The following NRF1 variants were observed in gnomAD, a reference collection of about 807,000 sequenced individuals.
NRF1 encodes the protein alpha palindromic-binding protein.
A neutral mutation model predicts 58.5 loss-of-function variants in NRF1; 5 were observed. That is an observed-to-expected ratio of 0.09 (90% confidence interval 0.04 to 0.18). NRF1 has a LOEUF of 0.18. Among genes scored for constraint, NRF1 ranks in the 10% least tolerant of loss-of-function variants. The pLI is 1.00. For missense variants in NRF1, 288 were observed against 657.7 expected (o/e 0.44, Z 6.15); for synonymous variants, 224 against 246.7 (o/e 0.91, Z 0.86).
chr7:129,718,946 G>A (rs562265851), intron 9 of NRF1, among the ~76,000 whole-genome samples: 26 of 152,194 alleles, frequency 1.7e-4, no homozygotes, highest in East Asian at 1.2e-3. Flanking sequence ...AATTCTCATC[G>A]CGGTGTCCAA....
At chr7:129,731,673 G>C (rs13246347) in intron 10 of NRF1, among the ~76,000 whole-genome samples, 19,469 of 151,926 alleles carry the variant, frequency 0.13, 1,597 homozygotes, top group Admixed American at 0.23. Flanking sequence ...CTGTCACCTA[G>C]ACTGGTTCAC....
intron 1 of NRF1, among the ~76,000 whole-genome samples, chr7:129,614,145 T>C (rs934703399): frequency 2.0e-5 from 3 of 152,098 alleles, no homozygotes; most frequent in Non-Finnish European, 4.4e-5. Flanking sequence ...AGACGGAGTC[T>C]CACTCTGTCA....
At chr7:129,693,347 T>A (rs59703114) in intron 5 of NRF1, among the ~76,000 whole-genome samples, 4,685 of 152,264 alleles carry the variant, frequency 0.031, 244 homozygotes, top group African/African-American at 0.1. Context: ...TAAATAGTGA[T>A]CTTTTGATTG....
intron 1 of NRF1, among the ~76,000 whole-genome samples, chr7:129,647,554 C>A (rs1439522098): frequency 6.6e-6 from 1 of 151,976 alleles, no homozygotes; most frequent in Non-Finnish European, 1.5e-5. Context: ...AGCCACCACC[C>A]CTGGCTAATT....
chr7:129,690,584 G>C (rs1356542425), intron 5 of NRF1, 38 bp downstream of exon 5: 1 of 1,611,790 alleles, frequency 6.2e-7, no homozygotes. Context: ...TCAAAGACAA[G>C]TGGCACAGGT....
chr7:129,643,373 T>C (rs940228643), intron 1 of NRF1, among the ~76,000 whole-genome samples: 3 of 152,222 alleles, frequency 2.0e-5, no homozygotes, highest in Non-Finnish European at 4.4e-5. Context: ...TTGTGCTTAT[T>C]TGAGACTGGG....
chr7:129,689,487 G>A (rs1299060224), intron 4 of NRF1, among the ~76,000 whole-genome samples: 2 of 152,088 alleles, frequency 1.3e-5, no homozygotes, highest in Non-Finnish European at 2.9e-5. Context: ...TATTCCCAGA[G>A]GTATCCTCAT....
chr7:129,745,197 G>T (rs1463289257), intron 10 of NRF1, among the ~76,000 whole-genome samples: 1 of 152,030 alleles, frequency 6.6e-6, no homozygotes, highest in African/African-American at 2.4e-5. Flanking sequence ...TCTGCATATT[G>T]CCATGATCTA....
chr7:129,728,468 CAAAAAAAA>C (rs60777041), intron 10 of NRF1, among the ~76,000 whole-genome samples: 6 of 96,354 alleles, frequency 6.2e-5, no homozygotes, highest in African/African-American at 2.0e-4. Context: ...GACTCCGTCT[CAAAAAAAA>C]AAAAAAAAAA....
At chr7:129,663,589 C>T (rs1183632765) in intron 2 of NRF1, among the ~76,000 whole-genome samples, 3 of 147,008 alleles carry the variant, frequency 2.0e-5, no homozygotes, top group East Asian at 2.1e-4. Flanking sequence ...CAGAGACGCT[C>T]CTCACTTCCT....
intron 1 of NRF1, among the ~76,000 whole-genome samples, chr7:129,627,118 G>A (rs1053616948): frequency 3.3e-5 from 5 of 152,156 alleles, no homozygotes; most frequent in African/African-American, 9.7e-5. Flanking sequence ...ATTCTTCCAC[G>A]TAGGCTAAGC....
chr7:129,702,371 A>G (rs1802846576), intron 5 of NRF1, among the ~76,000 whole-genome samples: 1 of 152,160 alleles, frequency 6.6e-6, no homozygotes, highest in African/African-American at 2.4e-5. Context: ...CAAATTCACT[A>G]ATTCTGAAGT....
At chr7:129,651,273 T>C (rs1353558175) in intron 1 of NRF1, among the ~76,000 whole-genome samples, 1 of 151,806 alleles carries the variant, frequency 6.6e-6, no homozygotes, top group African/African-American at 2.4e-5. Flanking sequence ...AATACAAAAA[T>C]CAGCTGGGCT....
At chr7:129,723,229 A>G (rs1026299134) in intron 9 of NRF1, among the ~76,000 whole-genome samples, 1 of 151,980 alleles carries the variant, frequency 6.6e-6, no homozygotes, top group Non-Finnish European at 1.5e-5. Context: ...GGATCACCTG[A>G]GGTTGGGAGT....
Position 129,673,599 on chromosome 7 carries a change from C to G in NRF1, c.338+2056C>G, listed in dbSNP as rs1802101631. Among the ~76,000 whole-genome samples, 5 of 151,658 alleles carry G rather than the reference C, an allele frequency of 3.3e-5. No individual in the cohort carries two copies. In the South Asian group the frequency reaches 1.0e-3, roughly 32 times the overall value. On this transcript the variant is annotated intron_variant, in intron 3 of 10. Coordinates refer to ENST00000393232, the MANE Select transcript of NRF1 (RefSeq NM_005011.5). ...GGGCGCAGTGGCGGGCGCCTGTAGT[C>G]CCAGCTACTCGGGAGGCTGAGGCAG...
chr7:129,750,917 C>T (rs982991094), intron 10 of NRF1, among the ~76,000 whole-genome samples: 2 of 152,214 alleles, frequency 1.3e-5, no homozygotes, highest in Non-Finnish European at 2.9e-5. Flanking sequence ...TCTTAGTAAG[C>T]AGGTTTCATT....
At chr7:129,639,935 G>T in intron 1 of NRF1, among the ~76,000 whole-genome samples, 1 of 152,166 alleles carries the variant, frequency 6.6e-6, no homozygotes, top group Non-Finnish European at 1.5e-5. Flanking sequence ...TTTAATATAG[G>T]TGAAGAAGAA....
chr7:129,647,632 G>A (rs1801439780), intron 1 of NRF1, among the ~76,000 whole-genome samples: 1 of 152,106 alleles, frequency 6.6e-6, no homozygotes, highest in South Asian at 2.1e-4. Flanking sequence ...CTGACCTCGC[G>A]ATCCCCCAGC....
intron 10 of NRF1, among the ~76,000 whole-genome samples, chr7:129,742,275 T>TAAAAAAAA (rs71167214): frequency 7.9e-6 from 1 of 126,784 alleles, no homozygotes. Context: ...TGAAATTGAT[T>TAAAAAAAA]AAAAAAAAAA....
Sources: gnomAD v4.1 joint callset for allele counts (sites outside exome capture counted in the v4.1 genomes callset) on GRCh38, gnomAD v4.1.1 for gene constraint, MANE v1.5 for transcripts, NCBI Gene and HGNC (gene_info 2026-07-23, HGNC 2026-07-21) for gene names.